Variants in TTC7B observed in about 807,000 individuals in gnomAD.
TTC7B encodes the protein tetratricopeptide repeat protein 7B.
Under a neutral mutation model 106.8 loss-of-function variants are expected in TTC7B, and 28 were observed. That is an observed-to-expected ratio of 0.26 (90% CI 0.19 to 0.36). The LOEUF is 0.36. Ranked by LOEUF, TTC7B falls within the 10% of genes least tolerant of loss-of-function variation. TTC7B has a pLI of 1.00. For missense variants in TTC7B, 862 were observed against 1,076.4 expected (o/e 0.80, Z 2.79); for synonymous variants, 405 against 430.6 (o/e 0.94, Z 0.74).
chr14:90,815,082 G>A (rs1186572680), intron 1 of TTC7B, among the ~76,000 whole-genome samples: 3 of 152,184 alleles, frequency 2.0e-5, no homozygotes, highest in Admixed American at 6.5e-5. Flanking sequence ...TAGTGCAGAT[G>A]TCCTTTCTTA....
At chr14:90,766,520 G>A in intron 3 of TTC7B, 1 of 742,386 alleles carries the variant, frequency 1.3e-6, no homozygotes, top group Non-Finnish European at 2.5e-6. Flanking sequence ...GCCACCTCTT[G>A]TACTGCCGCC....
intron 3 of TTC7B, among the ~76,000 whole-genome samples, chr14:90,756,483 T>C (rs1223120164): frequency 2.0e-5 from 3 of 151,532 alleles, no homozygotes; most frequent in Non-Finnish European, 2.9e-5. Flanking sequence ...AACTTCCGCC[T>C]TCTGGGTTCA....
chr14:90,725,780 C>T (rs943381027), intron 5 of TTC7B, among the ~76,000 whole-genome samples: 1 of 152,240 alleles, frequency 6.6e-6, no homozygotes, highest in African/African-American at 2.4e-5. Flanking sequence ...ATCTCCACCC[C>T]ACCTGAATTA....
At chr14:90,632,613 C>T (rs1884749859) in intron 15 of TTC7B, among the ~76,000 whole-genome samples, 1 of 152,132 alleles carries the variant, frequency 6.6e-6, no homozygotes, top group East Asian at 1.9e-4. Flanking sequence ...AGCAGTAATC[C>T]CCAACATCTA....
chr14:90,555,876 C>A (rs1338493365), intron 19 of TTC7B, among the ~76,000 whole-genome samples: 1 of 152,244 alleles, frequency 6.6e-6, no homozygotes, highest in South Asian at 2.1e-4. Context: ...CTTGGTCACA[C>A]TTGTGTCCAT....
chr14:90,545,258 A>G (rs1220225035), intron 19 of TTC7B, among the ~76,000 whole-genome samples: 1 of 152,210 alleles, frequency 6.6e-6, no homozygotes, highest in Non-Finnish European at 1.5e-5. Context: ...AGCTCTCTCA[A>G]TGCGGGCCCC....
intron 1 of TTC7B, among the ~76,000 whole-genome samples, chr14:90,804,247 T>C (rs2030463385): frequency 6.7e-6 from 1 of 150,294 alleles, no homozygotes; most frequent in Admixed American, 6.6e-5. Context: ...GGCAGGAGAA[T>C]GGCGTGAACC....
chr14:90,579,943 C>T (rs1366454975), intron 18 of TTC7B, among the ~76,000 whole-genome samples: 1 of 152,270 alleles, frequency 6.6e-6, no homozygotes, highest in African/African-American at 2.4e-5. Flanking sequence ...CTGCCTCCTG[C>T]CCTGGCCATG....
At chr14:90,585,480 ACT>A (rs1459588300) in intron 18 of TTC7B, 1 of 151,312 alleles carries the variant, frequency 6.6e-6, no homozygotes, top group Non-Finnish European at 1.5e-5. Flanking sequence ...TGTTCCATCC[ACT>A]CTGTGTCTCT....
At chr14:90,711,798 T>C (rs913773174) in intron 5 of TTC7B, among the ~76,000 whole-genome samples, 1 of 152,160 alleles carries the variant, frequency 6.6e-6, no homozygotes, top group Non-Finnish European at 1.5e-5. Flanking sequence ...AAAAAACTAT[T>C]TTTTAACAAC....
At chr14:90,676,723 C>A in intron 8 of TTC7B, 63 bp from the exon 9 acceptor site, 2 of 1,570,230 alleles carry the variant, frequency 1.3e-6, no homozygotes, top group South Asian at 2.3e-5. Flanking sequence ...GGCGGGGAGT[C>A]CACCTAGGCC....
In TTC7B at chr14:90,632,979, T is replaced by C. The variant is rs12589754; in HGVS notation, c.1751+11069A>G. Among the ~76,000 whole-genome samples, 180 of 152,324 alleles carry C rather than the reference T, an allele frequency of 1.2e-3. 4 individuals are homozygous for C. In the East Asian group the frequency reaches 0.025, roughly 21 times the overall value. ...TATATGTTCACTTCTTCCCATACAGTTAGTTTCCACTGATGTAAAAAGAAA... is the reference window on the plus strand; with the variant it reads ...TATATGTTCACTTCTTCCCATACAGCTAGTTTCCACTGATGTAAAAAGAAA... On this transcript the variant is annotated intron_variant, in intron 15 of 19. Coordinates refer to ENST00000328459, the MANE Select transcript of TTC7B (RefSeq NM_001010854.2).
At chr14:90,637,399 G>C (rs79762495) in intron 15 of TTC7B, among the ~76,000 whole-genome samples, 8,847 of 47,084 alleles carry the variant, frequency 0.19, 299 homozygotes, top group Admixed American at 0.25. Flanking sequence ...TTCCCACAGA[G>C]AAAAACCCCC....
intron 1 of TTC7B, among the ~76,000 whole-genome samples, chr14:90,795,687 T>C (rs1243055936): frequency 6.6e-6 from 1 of 152,192 alleles, no homozygotes; most frequent in Non-Finnish European, 1.5e-5. Flanking sequence ...AAGTAAGTGG[T>C]GAATAAACAT....
rs1889511393 is a variant in TTC7B at position 90,539,788 on chromosome 14, A to C, written c.*1580T>G. 1 of 152,182 alleles carries C rather than the reference A, an allele frequency of 6.6e-6. No individual in the cohort carries two copies. Among genetic ancestry groups the C allele is most frequent in the Non-Finnish European group, 1.5e-5 (1 of 68,064 alleles). 9.4% of individuals were successfully genotyped at this position (152,182 alleles called of 1,614,324 possible). On this transcript the variant is annotated 3_prime_UTR_variant, in exon 20 of 20. Coordinates refer to ENST00000328459, the MANE Select transcript of TTC7B (RefSeq NM_001010854.2). Reference sequence around the variant, plus strand: ...TTGCTGTCTACTCTGTGGGATTCGGACTTTGGCTCAAACACCTCTACACCT... The same window carrying C: ...TTGCTGTCTACTCTGTGGGATTCGGCCTTTGGCTCAAACACCTCTACACCT...
chr14:90,549,122 C>A, intron 19 of TTC7B, among the ~76,000 whole-genome samples: 1 of 144,104 alleles, frequency 6.9e-6, no homozygotes, highest in African/African-American at 2.7e-5. Context: ...AGCAAGACTC[C>A]GTCTCAAAAA....
chr14:90,768,216 A>G (rs866188502), intron 3 of TTC7B, among the ~76,000 whole-genome samples: 4 of 152,230 alleles, frequency 2.6e-5, no homozygotes, highest in East Asian at 1.9e-4. Flanking sequence ...TCACACTGCT[A>G]TAAAGAACTT....
chr14:90,729,446 A>G (rs2139987913), intron 5 of TTC7B, among the ~76,000 whole-genome samples: 1 of 152,312 alleles, frequency 6.6e-6, no homozygotes, highest in Non-Finnish European at 1.5e-5. Flanking sequence ...GTTGGTCTTC[A>G]TGCACATCTA....
intron 5 of TTC7B, among the ~76,000 whole-genome samples, chr14:90,696,316 T>A (rs144425636): frequency 6.6e-6 from 1 of 152,326 alleles, no homozygotes; most frequent in East Asian, 1.9e-4. Flanking sequence ...AAGCCCCACT[T>A]GTCCTCTCTG....
Sources: allele counts gnomAD v4.1 joint callset (sites outside exome capture counted in the v4.1 genomes callset), GRCh38; gene constraint gnomAD v4.1.1; transcripts MANE v1.5; gene names NCBI Gene and HGNC (gene_info 2026-07-23, HGNC 2026-07-21).